The following TNIP1 variants were observed in gnomAD, a reference collection of about 807,000 sequenced individuals.
The protein encoded by TNIP1 is TNFAIP3-interacting protein 1.
In TNIP1, 22 loss-of-function variants were observed where a neutral mutation model predicts 86.6. That is an observed-to-expected ratio of 0.25 (90% CI 0.18 to 0.36). The LOEUF (loss-of-function observed/expected upper bound fraction) is 0.36, where lower values mean the gene tolerates loss of function less well. Among genes scored for constraint, TNIP1 ranks in the 10% least tolerant of loss-of-function variants. The probability of loss-of-function intolerance (pLI) is 1.00; values close to 1 mark genes in which losing one functional copy is unlikely to be tolerated. For missense variants in TNIP1, 709 were observed against 820.6 expected (o/e 0.86, Z 1.66); for synonymous variants, 294 against 313.0 (o/e 0.94, Z 0.64).
chr5:151,046,185 T>C (rs1182858610), intron 8 of TNIP1: 3 of 534,400 alleles, frequency 5.6e-6, no homozygotes, highest in Non-Finnish European at 1.0e-5. Context: ...CCTCTCCCCT[T>C]CCCTTCTCCC....
In TNIP1 at chr5:151,042,956, C is replaced by A. The variant is rs1164067888; in HGVS notation, c.942G>T (p.Leu314=). The change falls in exon 10 of 18, where the codon CTG becomes CTT. Residue 314 remains leucine, a synonymous_variant. Coordinates refer to ENST00000521591, the MANE Select transcript of TNIP1 (RefSeq NM_006058.5). Reference sequence around the variant, plus strand: ...GCTGGTCCCACTGCTTGTTCACTTCCAGCAGCTGTGGGGAGAGACTGGAGT... The same window carrying A: ...GCTGGTCCCACTGCTTGTTCACTTCAAGCAGCTGTGGGGAGAGACTGGAGT... ...KMLEQQRSEL[L]EVNKQWDQHF... The A allele has an allele frequency of 6.2e-7, 1 of 1,614,072 alleles. No individual in the cohort carries two copies. The highest frequency in any genetic ancestry group is 1.3e-5 in the African/African-American group (1 of 74,950).
upstream of TNIP1, among the ~76,000 whole-genome samples, chr5:151,084,322 G>A (rs1024551979): frequency 2.0e-5 from 3 of 152,042 alleles, no homozygotes; most frequent in African/African-American, 7.3e-5. Flanking sequence ...GTGGGCGCCT[G>A]TAATCCCAGC....
chr5:151,065,712 A>G (rs1762144625), intron 1 of TNIP1, among the ~76,000 whole-genome samples: 1 of 152,200 alleles, frequency 6.6e-6, no homozygotes, highest in Non-Finnish European at 1.5e-5. Flanking sequence ...AACCCAGTCC[A>G]AAGTTCCATT....
At chr5:151,065,242 G>A in intron 1 of TNIP1, 111 bp from the exon 2 acceptor site, 1 of 876,744 alleles carries the variant, frequency 1.1e-6, no homozygotes, top group Non-Finnish European at 1.7e-6. Context: ...ACTTTAAGCT[G>A]GTCTGACCAT....
At chr5:151,084,964 A>G (rs1764223475), upstream of TNIP1, among the ~76,000 whole-genome samples, 1 of 152,224 alleles carries the variant, frequency 6.6e-6, no homozygotes, top group Admixed American at 6.5e-5. Flanking sequence ...AAGTAAATAA[A>G]TGAGCAGGGT....
At chr5:151,069,865 C>T (rs373822585) in intron 1 of TNIP1, among the ~76,000 whole-genome samples, 28 of 152,314 alleles carry the variant, frequency 1.8e-4, no homozygotes, top group Middle Eastern at 6.8e-3. Flanking sequence ...ATGGCTAAAG[C>T]TGGCCTCAGG....
chr5:151,037,018 C>G, intron 12 of TNIP1, 97 bp from the exon 13 acceptor site: 1 of 1,429,124 alleles, frequency 7.0e-7, no homozygotes, highest in Non-Finnish European at 9.3e-7. Flanking sequence ...TAATAATAAT[C>G]ATACTAATAA....
chr5:151,031,877 GC>G (rs753142168), intron 17 of TNIP1, among the ~76,000 whole-genome samples: 4 of 152,118 alleles, frequency 2.6e-5, no homozygotes, highest in African/African-American at 9.6e-5. Flanking sequence ...CTCAAATGCT[GC>G]CCCCCCGGTC....
At chr5:151,059,864 T>C (rs73799419) in intron 5 of TNIP1, among the ~76,000 whole-genome samples, 1,838 of 98,652 alleles carry the variant, frequency 0.019, 84 homozygotes, top group African/African-American at 0.092. Flanking sequence ...TGTGTGTGTG[T>C]GTGCGCGCGC....
chr5:151,063,253 A>G (rs761172418), intron 3 of TNIP1, among the ~76,000 whole-genome samples: 1 of 152,182 alleles, frequency 6.6e-6, no homozygotes, highest in Non-Finnish European at 1.5e-5. Context: ...AGTGACAGGG[A>G]GTAGCTGCTT....
At chr5:151,056,987 C>T in intron 5 of TNIP1, 30 bp from the exon 6 acceptor site, 2 of 1,407,098 alleles carry the variant, frequency 1.4e-6, no homozygotes, top group Non-Finnish European at 1.9e-6. Flanking sequence ...ACGGCCCACT[C>T]TTCACCAAGG....
chr5:151,068,125 G>A (rs1424434007), intron 1 of TNIP1, among the ~76,000 whole-genome samples: 1 of 152,236 alleles, frequency 6.6e-6, no homozygotes, highest in African/African-American at 2.4e-5. Flanking sequence ...GTGGGCAGAG[G>A]AGACGCAGGA....
At chr5:151,063,106 A>G (rs1308234946) in intron 3 of TNIP1, among the ~76,000 whole-genome samples, 1 of 152,194 alleles carries the variant, frequency 6.6e-6, no homozygotes, top group Non-Finnish European at 1.5e-5. Flanking sequence ...TGGGCAGCAC[A>G]CGTAACCTTA....
intron 4 of TNIP1, among the ~76,000 whole-genome samples, chr5:151,060,750 G>A (rs1026401770): frequency 5.9e-5 from 9 of 152,242 alleles, no homozygotes; most frequent in African/African-American, 2.2e-4. Flanking sequence ...CATGGAGTGG[G>A]TCAGAAGGTT....
At chr5:151,043,331 A>G (rs901822993) in intron 9 of TNIP1, among the ~76,000 whole-genome samples, 1 of 152,230 alleles carries the variant, frequency 6.6e-6, no homozygotes, top group African/African-American at 2.4e-5. Flanking sequence ...ACCAATAGAA[A>G]CACTTACACA....
intron 3 of TNIP1, among the ~76,000 whole-genome samples, chr5:151,063,330 G>A (rs1761824372): frequency 6.6e-6 from 1 of 152,166 alleles, no homozygotes; most frequent in African/African-American, 2.4e-5. Flanking sequence ...AGACCCCAAG[G>A]CCACAGGACT....
chr5:151,054,408 T>C (rs1302716760), intron 6 of TNIP1, among the ~76,000 whole-genome samples: 2 of 152,136 alleles, frequency 1.3e-5, no homozygotes, highest in Admixed American at 1.3e-4. Flanking sequence ...CAGCTGGGCA[T>C]GGTGGCTCAC....
chr5:151,042,476 T>G, intron 11 of TNIP1, 64 bp downstream of exon 11: 1 of 1,569,146 alleles, frequency 6.4e-7, no homozygotes, highest in Non-Finnish European at 8.6e-7. Flanking sequence ...GCTTGTTTGC[T>G]CCACAGAACT....
At chr5:151,042,391 G>T in intron 11 of TNIP1, 149 bp downstream of exon 11, 1 of 950,420 alleles carries the variant, frequency 1.1e-6, no homozygotes, top group Non-Finnish European at 1.5e-6. Context: ...GCAGTGCAGG[G>T]AAGGAACGTG....
Sources: gnomAD v4.1 joint callset for allele counts (sites outside exome capture counted in the v4.1 genomes callset) on GRCh38, gnomAD v4.1.1 for gene constraint, MANE v1.5 for transcripts, NCBI Gene and HGNC (gene_info 2026-07-23, HGNC 2026-07-21) for gene names.